TACR3: variants seen among roughly 807,000 people sequenced by gnomAD.
The protein encoded by TACR3 is neuromedin-K receptor.
In TACR3, 34 loss-of-function variants were observed where a neutral mutation model predicts 35.0. The observed-to-expected ratio is 0.97, with a 90% CI of 0.74 to 1.30. The LOEUF is 1.30. TACR3 is among the 50% of genes most tolerant of loss of function. TACR3 has a pLI of 0.00. For synonymous variants in TACR3, 233 were observed against 221.1 expected (o/e 1.05, Z -0.48); for missense variants, 558 against 591.7 (o/e 0.94, Z 0.59).
At chr4:103,639,456 G>T (rs927453071) in intron 3 of TACR3, among the ~76,000 whole-genome samples, 2 of 152,048 alleles carry the variant, frequency 1.3e-5, no homozygotes, top group Admixed American at 1.3e-4. Context: ...TGGGGAGAGG[G>T]GGGAGGGATA....
At chr4:103,666,587 A>G (rs1029274141) in intron 1 of TACR3, among the ~76,000 whole-genome samples, 5 of 152,198 alleles carry the variant, frequency 3.3e-5, no homozygotes, top group Admixed American at 2.6e-4. Flanking sequence ...CTCATTTAAT[A>G]CTAAAATTTT....
intron 3 of TACR3, among the ~76,000 whole-genome samples, chr4:103,602,501 TTTC>T (rs1560802490): frequency 6.6e-6 from 1 of 152,026 alleles, no homozygotes; most frequent in Non-Finnish European, 1.5e-5. Flanking sequence ...CTTTTTTTTT[TTTC>T]CCATCTTTGT....
Position 103,626,255 on chromosome 4 carries a change from T to C in TACR3, c.888+29939A>G, listed in dbSNP as rs904522215. Among the ~76,000 whole-genome samples, 22 of 152,352 alleles carry C rather than the reference T, an allele frequency of 1.4e-4. 1 individual carries two copies. In the East Asian group the frequency reaches 4.0e-3, roughly 28 times the overall value. Reference sequence around the variant, plus strand: ...GAGTCATATACATGTGTAATTTACATAGGTGCTTCTGTGGCTGAAATTACT... The same window carrying C: ...GAGTCATATACATGTGTAATTTACACAGGTGCTTCTGTGGCTGAAATTACT... On this transcript the variant is annotated intron_variant, in intron 3 of 4. Coordinates refer to ENST00000304883, the MANE Select transcript of TACR3 (RefSeq NM_001059.3).
chr4:103,589,544 CTCAA>C lies in TACR3; in HGVS notation c.*134_*137del. ...TTTGTCACATTTATACACTACCTTT[CTCAA>C]TTTGACCATAGCTGCCTAAAAATTG... On this transcript the variant is annotated 3_prime_UTR_variant, in exon 5 of 5. Coordinates refer to ENST00000304883, the MANE Select transcript of TACR3 (RefSeq NM_001059.3). The C allele has an allele frequency of 1.1e-6, 1 of 888,020 alleles. No individual in the cohort carries two copies. Among genetic ancestry groups the C allele is most frequent in the Non-Finnish European group, 1.8e-6 (1 of 569,864 alleles). The allele number at this position is 888,020 out of a possible 1,614,324, so 55.0% of individuals were successfully genotyped here.
At chr4:103,624,202 T>C (rs979952927) in intron 3 of TACR3, 1 of 152,182 alleles carries the variant, frequency 6.6e-6, no homozygotes, top group Non-Finnish European at 1.5e-5. Context: ...GATGCTGTTT[T>C]TCTTTGCAGA....
chr4:103,630,753 C>A (rs2110311419), intron 3 of TACR3, among the ~76,000 whole-genome samples: 1 of 152,270 alleles, frequency 6.6e-6, no homozygotes, highest in South Asian at 2.1e-4. Context: ...TTAGTTCAAC[C>A]ATTGTGGAAG....
chr4:103,623,151 T>G (rs1460948255), intron 3 of TACR3, among the ~76,000 whole-genome samples: 1 of 152,094 alleles, frequency 6.6e-6, no homozygotes, highest in East Asian at 1.9e-4. Context: ...ATTTTAAATA[T>G]TGTATTATTT....
chr4:103,620,586 T>C (rs1317403471), intron 3 of TACR3, among the ~76,000 whole-genome samples: 1 of 152,342 alleles, frequency 6.6e-6, no homozygotes, highest in East Asian at 1.9e-4. Context: ...GGAAATCATG[T>C]CCTTTGCAGG....
At chr4:103,706,591 A>T (rs1021041885) in intron 1 of TACR3, among the ~76,000 whole-genome samples, 1 of 152,182 alleles carries the variant, frequency 6.6e-6, no homozygotes, top group African/African-American at 2.4e-5. Context: ...ATGAGTGCAT[A>T]GGGAGAGAAA....
rs1454859982 is a variant in TACR3 at position 103,653,551 on chromosome 4, A to G, written c.888+2643T>C. 4.6e-5 allele frequency among the ~76,000 whole-genome samples: 7 copies of G among 152,184 alleles called. No homozygotes were observed. In the East Asian group the frequency reaches 1.3e-3, roughly 29 times the overall value. ...CACCTTATACAAAAATTAATTCAAG[A>G]TGGATTAAAGACTTACATGTTCGAC... On this transcript the variant is annotated intron_variant, in intron 3 of 4. Transcript: ENST00000304883.
At chr4:103,595,676 G>A (rs1228400426) in intron 3 of TACR3, among the ~76,000 whole-genome samples, 1 of 151,740 alleles carries the variant, frequency 6.6e-6, no homozygotes, top group Non-Finnish European at 1.5e-5. Context: ...TAACTAAAAT[G>A]CTGACAACTA....
chr4:103,595,939 C>A (rs1011865952), intron 3 of TACR3, among the ~76,000 whole-genome samples: 1 of 139,812 alleles, frequency 7.2e-6, no homozygotes, highest in Non-Finnish European at 1.5e-5. Flanking sequence ...TGTGATGTTC[C>A]CCTTCCTGTG....
At chr4:103,700,643 A>G (rs1228386267) in intron 1 of TACR3, among the ~76,000 whole-genome samples, 1 of 152,210 alleles carries the variant, frequency 6.6e-6, no homozygotes, top group Non-Finnish European at 1.5e-5. Flanking sequence ...CTCTCTTGCC[A>G]GAACTGTCTT....
chr4:103,635,380 A>AT (rs1353601346), intron 3 of TACR3, among the ~76,000 whole-genome samples: 1 of 151,976 alleles, frequency 6.6e-6, no homozygotes, highest in Non-Finnish European at 1.5e-5. Context: ...AAGAACTTTC[A>AT]TTTTTGAGGG....
intron 3 of TACR3, among the ~76,000 whole-genome samples, chr4:103,602,671 C>T (rs896921932): frequency 1.3e-5 from 2 of 152,130 alleles, no homozygotes; most frequent in Non-Finnish European, 1.5e-5. Context: ...CCCTGTTTGC[C>T]TGGGTATCAG....
intron 1 of TACR3, among the ~76,000 whole-genome samples, chr4:103,666,173 T>A (rs897457624): frequency 4.6e-5 from 7 of 152,324 alleles, no homozygotes; most frequent in Non-Finnish European, 1.0e-4. Context: ...TATGTACAAG[T>A]AATTATGAAG....
chr4:103,675,732 G>A (rs529180629), intron 1 of TACR3, among the ~76,000 whole-genome samples: 4 of 152,124 alleles, frequency 2.6e-5, no homozygotes, highest in East Asian at 1.9e-4. Flanking sequence ...AGACACGTCC[G>A]AAAGCCACTC....
At chr4:103,685,753 A>C (rs1722213554) in intron 1 of TACR3, among the ~76,000 whole-genome samples, 1 of 152,170 alleles carries the variant, frequency 6.6e-6, no homozygotes, top group African/African-American at 2.4e-5. Flanking sequence ...TAACTATTGA[A>C]AGTCTCTGAA....
intron 3 of TACR3, among the ~76,000 whole-genome samples, chr4:103,642,361 G>T (rs1247613920): frequency 1.6e-5 from 2 of 125,966 alleles, no homozygotes; most frequent in Non-Finnish European, 3.2e-5. Flanking sequence ...AGTAAAAATA[G>T]AAAAAATGTT....
Sources: allele counts gnomAD v4.1 joint callset (sites outside exome capture counted in the v4.1 genomes callset), GRCh38; gene constraint gnomAD v4.1.1; transcripts MANE v1.5; gene names NCBI Gene and HGNC (gene_info 2026-07-23, HGNC 2026-07-21).